The following NLRP5 variants were observed in gnomAD, a reference collection of about 807,000 sequenced individuals.
NLRP5 encodes the protein NACHT, LRR and PYD domains-containing protein 5.
Under a neutral mutation model 113.1 loss-of-function variants are expected in NLRP5, and 93 were observed. That is an observed-to-expected ratio of 0.82 (90% CI 0.70 to 0.98). The LOEUF (loss-of-function observed/expected upper bound fraction) is 0.98, where lower values mean the gene tolerates loss of function less well. Ranked by LOEUF, NLRP5 falls within the 50% of genes least tolerant of loss-of-function variation. The pLI is 0.00. For synonymous variants in NLRP5, 751 were observed against 600.7 expected (o/e 1.25, Z -3.66); for missense variants, 1,808 against 1,514.3 (o/e 1.19, Z -3.22).
intron 2 of NLRP5, among the ~76,000 whole-genome samples, chr19:56,007,542 CAG>C (rs1308362934): frequency 6.6e-6 from 1 of 150,978 alleles, no homozygotes; most frequent in Non-Finnish European, 1.5e-5. Flanking sequence ...AAGCCTTTAA[CAG>C]AGGGTTTGGC....
intron 2 of NLRP5, among the ~76,000 whole-genome samples, chr19:56,007,531 A>C (rs57780649): frequency 6.6e-6 from 1 of 151,170 alleles, no homozygotes; most frequent in Non-Finnish European, 1.5e-5. Context: ...AGGGCATCCC[A>C]AAGCCTTTAA....
intron 11 of NLRP5, among the ~76,000 whole-genome samples, chr19:56,043,162 GTTC>G (rs1983583242): frequency 6.6e-6 from 1 of 152,150 alleles, no homozygotes; most frequent in Non-Finnish European, 1.5e-5. Flanking sequence ...TGTACTTTTA[GTTC>G]TTTAAGGAAT....
chr19:56,032,805 G>A lies in NLRP5; in HGVS notation c.2447+24G>A, dbSNP rs1983173718. The A allele has an allele frequency of 4.4e-6, 7 of 1,585,580 alleles. No individual in the cohort carries two copies. In the East Asian group the frequency reaches 1.1e-4, roughly 26 times the overall value. The stretch of plus-strand genomic sequence containing the variant: ...ATGTAAGGCTGCCCGCCCCCTACGA[G>A]AGAATCCCTTCCCATGACGCTATCC... On this transcript the variant is annotated intron_variant, in intron 8 of 14. Coordinates refer to ENST00000390649, the MANE Select transcript of NLRP5 (RefSeq NM_153447.4).
chr19:55,988,425 AATATATATATGTGTGTGTGTATATAT>A, the NLRP5 span: 1 of 85,104 alleles, frequency 1.2e-5, no homozygotes, highest in East Asian at 3.3e-4. Context: ...TATACACATA[AATATATATATGTGTGTGTGTATATAT>A]ATATATATAT....
rs1366894152 is a variant in NLRP5, at chr19:56,016,505, A to G, written c.565+707A>G. On this transcript the variant is annotated intron_variant, in intron 4 of 14. Coordinates refer to ENST00000390649, the MANE Select transcript of NLRP5 (RefSeq NM_153447.4). Reference sequence around the variant, plus strand: ...TAGCTATTTTGAAATAGACTTTGTTATTAACCAGTCACCACGTTGTGCAAT... The same window carrying G: ...TAGCTATTTTGAAATAGACTTTGTTGTTAACCAGTCACCACGTTGTGCAAT... Among the ~76,000 whole-genome samples the G allele has an allele frequency of 2.0e-5, 3 of 152,178 alleles. No homozygotes were observed. The East Asian group carries it at 5.8e-4, about 29-fold the overall frequency.
intron 7 of NLRP5, among the ~76,000 whole-genome samples, 161 bp downstream of exon 7, chr19:56,028,670 C>G (rs570576530): frequency 2.0e-5 from 3 of 152,304 alleles, no homozygotes; most frequent in Non-Finnish European, 2.9e-5. Flanking sequence ...GGACCGGAAT[C>G]TGGCTCATTG....
intron 9 of NLRP5, among the ~76,000 whole-genome samples, chr19:56,035,557 G>A (rs972367858): frequency 2.0e-5 from 3 of 152,180 alleles, no homozygotes; most frequent in African/African-American, 7.2e-5. Context: ...AAGATGGATG[G>A]AGGCTATTTG....
intron 3 of NLRP5, among the ~76,000 whole-genome samples, chr19:56,010,742 C>CAAGAAAAAAAAAAAAAAAAAAAA (rs1982151567): frequency 2.4e-5 from 1 of 41,274 alleles, no homozygotes; most frequent in South Asian, 8.2e-4. Context: ...AACTCTGTCT[C>CAAGAAAAAAAAAAAAAAAAAAAA]AAAAAAAAAA....
chr19:56,058,503 G>T (rs372047420), intron 14 of NLRP5, 93 bp downstream of exon 14: 4 of 1,186,650 alleles, frequency 3.4e-6, no homozygotes, highest in Admixed American at 2.3e-5. Flanking sequence ...AAAAGTTGAC[G>T]TCATACCTTG....
At chr19:56,046,234 T>A (rs568298550) in intron 11 of NLRP5, among the ~76,000 whole-genome samples, 1 of 152,340 alleles carries the variant, frequency 6.6e-6, no homozygotes, top group South Asian at 2.1e-4. Context: ...TTTAATTCAG[T>A]TTATGTGGTG....
At chr19:56,011,071 G>C (rs548050901) in intron 3 of NLRP5, among the ~76,000 whole-genome samples, 1 of 151,800 alleles carries the variant, frequency 6.6e-6, no homozygotes, top group Non-Finnish European at 1.5e-5. Flanking sequence ...AGGATTGCTT[G>C]AGTCCAGGGG....
chr19:56,013,099 G>A (rs1214081287), intron 3 of NLRP5, among the ~76,000 whole-genome samples: 2 of 152,296 alleles, frequency 1.3e-5, no homozygotes, highest in East Asian at 1.9e-4. Flanking sequence ...CTTTGTGTCT[G>A]TGAATTTTGC....
intron 9 of NLRP5, among the ~76,000 whole-genome samples, chr19:56,037,294 C>A (rs1223942801): frequency 2.6e-5 from 4 of 152,134 alleles, no homozygotes; most frequent in African/African-American, 9.7e-5. Flanking sequence ...ACCGTCGCAG[C>A]TGCCGAGGGG....
At chr19:56,054,441 C>G (rs1258073796) in intron 13 of NLRP5, among the ~76,000 whole-genome samples, 2 of 151,880 alleles carry the variant, frequency 1.3e-5, no homozygotes, top group African/African-American at 4.8e-5. Flanking sequence ...GCTTGTAATC[C>G]CAGCTATTCG....
intron 13 of NLRP5, among the ~76,000 whole-genome samples, chr19:56,056,456 C>T (rs2123343940): frequency 6.6e-6 from 1 of 152,304 alleles, no homozygotes; most frequent in East Asian, 1.9e-4. Context: ...ACTCAGGAGG[C>T]TGAGGCAGGA....
chr19:56,034,115 G>A (rs554691169), intron 9 of NLRP5, among the ~76,000 whole-genome samples: 28 of 152,012 alleles, frequency 1.8e-4, no homozygotes, highest in Middle Eastern at 3.4e-3. Context: ...TGGGCCGGGC[G>A]CGGTGGCTCA....
intron 2 of NLRP5, 103 bp from the exon 3 acceptor site, chr19:56,008,685 C>T (rs1442396989): frequency 3.0e-6 from 3 of 1,005,058 alleles, no homozygotes; most frequent in South Asian, 2.8e-5. Flanking sequence ...TGAGGTTTGT[C>T]TTGGTTCCCC....
At chr19:56,053,604 G>C in intron 12 of NLRP5, 34 bp from the exon 13 acceptor site, 1 of 1,592,056 alleles carries the variant, frequency 6.3e-7, no homozygotes, top group East Asian at 2.3e-5. Context: ...TTCCTCGAGA[G>C]AGGCAGACTC....
intron 10 of NLRP5, among the ~76,000 whole-genome samples, chr19:56,040,519 A>G (rs1983479640): frequency 1.3e-5 from 2 of 152,078 alleles, no homozygotes; most frequent in African/African-American, 4.8e-5. Context: ...GTGAGCTGAG[A>G]TCATGCCACT....
Sources: gnomAD v4.1 joint callset for allele counts (sites outside exome capture counted in the v4.1 genomes callset) on GRCh38, gnomAD v4.1.1 for gene constraint, MANE v1.5 for transcripts, NCBI Gene and HGNC (gene_info 2026-07-23, HGNC 2026-07-21) for gene names.